MEAK7: variants seen among roughly 807,000 people sequenced by gnomAD.
The protein encoded by MEAK7 is MTOR-associated protein MEAK7.
In MEAK7, 68 loss-of-function variants were observed where a neutral mutation model predicts 40.5. The ratio of observed to expected loss-of-function variants is 1.68; its 90% CI spans 1.38 to 2.06. The LOEUF is 2.06. Ranked by LOEUF, MEAK7 falls within the 30% of genes most tolerant of loss-of-function variation. MEAK7 has a pLI of 0.00. For synonymous variants in MEAK7, 338 were observed against 231.9 expected (o/e 1.46, Z -4.16); for missense variants, 918 against 580.5 (o/e 1.58, Z -5.98).
At chr16:84,494,918 G>A (rs1037694946) in intron 3 of MEAK7, 2 of 422,514 alleles carry the variant, frequency 4.7e-6, no homozygotes, top group African/African-American at 2.1e-5. Context: ...GCTGAGTCTT[G>A]CAAGAAACTG....
intron 2 of MEAK7, chr16:84,497,554 G>A (rs537103857): frequency 1.1e-4 from 147 of 1,294,564 alleles, no homozygotes; most frequent in African/African-American, 1.4e-4. Context: ...AGAGACACAC[G>A]AGGCAGGCTA....
At chr16:84,482,849 G>C (rs371341267) in intron 5 of MEAK7, 139 bp from the exon 6 acceptor site, 4 of 1,350,592 alleles carry the variant, frequency 3.0e-6, no homozygotes, top group South Asian at 1.4e-5. Context: ...CGGCAGATCA[G>C]GGTTTGGGAC....
intron 1 of MEAK7, among the ~76,000 whole-genome samples, chr16:84,500,456 T>G (rs1914404425): frequency 6.6e-6 from 1 of 152,186 alleles, no homozygotes; most frequent in African/African-American, 2.4e-5. Flanking sequence ...GAGTTATTTC[T>G]CCGCCTTTTA....
At chr16:84,490,327 A>T (rs1913461934) in intron 3 of MEAK7, among the ~76,000 whole-genome samples, 1 of 151,898 alleles carries the variant, frequency 6.6e-6, no homozygotes, top group Admixed American at 6.5e-5. Context: ...AAAGGAAAAA[A>T]ACATTTTGAC....
rs529535896 is a variant in MEAK7, at chr16:84,480,235, G to A, written c.1258-209C>T. ...AACTCAGGTGCAGAACCAGGGAAGC[G>A]GAAGGAACCCTAGACATTCCTCCTC... On this transcript the variant is annotated intron_variant, in intron 7 of 7. Transcript: ENST00000343629. 1.8e-4 allele frequency among the ~76,000 whole-genome samples: 27 copies of A among 152,212 alleles called. No homozygotes were observed. In the East Asian group the frequency reaches 3.1e-3, roughly 17 times the overall value.
Position 84,479,994 on chromosome 16 carries a change from G to A in MEAK7, c.1290C>T (p.Asp430=), listed in dbSNP as rs753467240. The A allele has an allele frequency of 2.4e-5, 39 of 1,608,864 alleles. 1 individual carries two copies. In the South Asian group the frequency reaches 3.9e-4, roughly 16 times the overall value. The change falls in exon 8 of 8, where the codon GAC becomes GAT. Residue 430 remains aspartate (D), a synonymous_variant. Coordinates refer to ENST00000343629, the MANE Select transcript of MEAK7 (RefSeq NM_020947.4). Reference sequence around the variant, plus strand: ...TCTCCAGCAGGGCCTGGGCCTCAGGGTCCGCATCCAGGATGCTCTTGTTGC... The same window carrying A: ...TCTCCAGCAGGGCCTGGGCCTCAGGATCCGCATCCAGGATGCTCTTGTTGC... ...AKGNKSILDA[D]PEAQALLEIS...
In MEAK7 at chr16:84,504,519, G is replaced by A. The variant is rs563614372; in HGVS notation, c.-26+82C>T. 4.6e-5 allele frequency: 41 copies of A among 891,524 alleles called. No homozygotes were observed. The African/African-American group carries it at 7.0e-4, about 15-fold the overall frequency. 55.2% of individuals were successfully genotyped at this position (891,524 alleles called of 1,614,324 possible). ...AGGGGCAGGGCCCAGGCCTACTCTG[G>A]ACCCGTCTGCTCCAGTCCCCCGACT... On this transcript the variant is annotated intron_variant, in intron 1 of 7. Transcript: ENST00000343629.
chr16:84,490,032 A>G (rs989011765), intron 3 of MEAK7, among the ~76,000 whole-genome samples: 3 of 152,214 alleles, frequency 2.0e-5, no homozygotes, highest in Non-Finnish European at 4.4e-5. Flanking sequence ...ACTAAAACTT[A>G]AACAACCAAC....
At position 84,479,353 on chromosome 16, in the gene MEAK7, A is replaced by T. The variant is rs1912293820; in HGVS notation, c.*560T>A. ...GGCCATATGAACCCCAGCGGGAGGAACCCCCTCCTCAATAGAGAAGTTGAG... is the reference window on the plus strand; with the variant it reads ...GGCCATATGAACCCCAGCGGGAGGATCCCCCTCCTCAATAGAGAAGTTGAG... On this transcript the variant is annotated 3_prime_UTR_variant, in exon 8 of 8. Transcript: ENST00000343629. 1 of 152,196 alleles carries T rather than the reference A, an allele frequency of 6.6e-6. No homozygotes were observed. The highest frequency in any genetic ancestry group is 1.5e-5 in the Non-Finnish European group (1 of 68,060). The allele number at this position is 152,196 out of a possible 1,614,324, so 9.4% of individuals were successfully genotyped here.
At position 84,479,149 on chromosome 16, in the gene MEAK7, C is replaced by G. The variant is rs910571118; in HGVS notation, c.*764G>C. On this transcript the variant is annotated 3_prime_UTR_variant, in exon 8 of 8. Transcript: ENST00000343629. ...ATGCCACCACCAGACCATGTTACCT[C>G]AAAGTCTCCTGCCTCCATTTCCCCA... 5 of 152,248 alleles carry G rather than the reference C, an allele frequency of 3.3e-5. No individual in the cohort carries two copies. Among genetic ancestry groups the G allele is most frequent in the African/African-American group, 9.7e-5 (4 of 41,430 alleles). The allele number at this position is 152,248 out of a possible 1,614,324, so 9.4% of individuals were successfully genotyped here.
At chr16:84,497,366 A>C (rs755213339) in intron 2 of MEAK7, 102 of 1,226,184 alleles carry the variant, frequency 8.3e-5, no homozygotes, top group Non-Finnish European at 1.0e-4. Flanking sequence ...TGAATCTAAA[A>C]TGTGATTATT....
rs149289395 is a variant in MEAK7 at position 84,495,797 on chromosome 16, C to A, written c.270G>T (p.Gln90His). The A allele has an allele frequency of 6.8e-6, 11 of 1,613,986 alleles. No homozygotes were observed. The highest frequency in any genetic ancestry group is 3.3e-5 in the South Asian group (3 of 91,084). Residue 90 changes from glutamine to histidine, a missense_variant, in exon 3 of 8, where the codon CAG (glutamine) becomes CAT (histidine). Gln to His is a conservative substitution (Grantham distance 24). Coordinates refer to ENST00000343629, the MANE Select transcript of MEAK7 (RefSeq NM_020947.4). The part of the protein sequence containing the change: ...KGPSENVSQE[Q>H]FTASMSHLLK... ...ACAGGTGGGACATGGATGCTGTGAACTGCTCCTGGGACACGTTCTCACTGG... is the reference window on the plus strand; with the variant it reads ...ACAGGTGGGACATGGATGCTGTGAAATGCTCCTGGGACACGTTCTCACTGG...
Position 84,489,234 on chromosome 16 carries a change from C to T in MEAK7, c.529+44G>A, listed in dbSNP as rs1351342961. 3.1e-6 allele frequency: 5 copies of T among 1,603,028 alleles called. No individual in the cohort carries two copies. The Admixed American group carries it at 8.4e-5, about 27-fold the overall frequency. The stretch of plus-strand genomic sequence containing the variant: ...ACAGTAATGGAGACAGCAGGTACCG[C>T]TCTACAGCAAAAGACCTGCATCACC... On this transcript the variant is annotated intron_variant, in intron 4 of 7. Coordinates refer to ENST00000343629, the MANE Select transcript of MEAK7 (RefSeq NM_020947.4).
intron 5 of MEAK7, among the ~76,000 whole-genome samples, chr16:84,484,574 C>T (rs1912867840): frequency 6.6e-6 from 1 of 152,214 alleles, no homozygotes; most frequent in Non-Finnish European, 1.5e-5. Flanking sequence ...AGCAAAAACA[C>T]TCTGATGAAA....
intron 3 of MEAK7, among the ~76,000 whole-genome samples, chr16:84,491,977 G>A (rs112567161): frequency 3.9e-5 from 6 of 152,256 alleles, no homozygotes; most frequent in African/African-American, 1.2e-4. Context: ...AGGGCTAAAA[G>A]AGACTTGAAT....
At chr16:84,498,343 C>A (rs1226149394) in intron 1 of MEAK7, among the ~76,000 whole-genome samples, 1 of 152,062 alleles carries the variant, frequency 6.6e-6, no homozygotes, top group Non-Finnish European at 1.5e-5. Context: ...ATCACAGCTC[C>A]CTGCAGCCTC....
chr16:84,489,466 C>T, intron 3 of MEAK7, 44 bp from the exon 4 acceptor site: 1 of 1,564,462 alleles, frequency 6.4e-7, no homozygotes, highest in African/African-American at 1.4e-5. Flanking sequence ...TCCACCATAT[C>T]CTGAGACCTA....
chr16:84,486,601 C>G, intron 5 of MEAK7, 30 bp downstream of exon 5: 1 of 1,562,658 alleles, frequency 6.4e-7, no homozygotes, highest in Non-Finnish European at 8.7e-7. Context: ...TGCTGTGCCA[C>G]TCGTCAAGGT....
intron 2 of MEAK7, 143 bp from the exon 3 acceptor site, chr16:84,496,056 T>C: frequency 1.2e-6 from 1 of 812,228 alleles, no homozygotes; most frequent in Non-Finnish European, 1.9e-6. Context: ...AAAAGTTTCT[T>C]GTAAAGCCCC....
Sources: gnomAD v4.1 joint callset for allele counts (sites outside exome capture counted in the v4.1 genomes callset) on GRCh38, gnomAD v4.1.1 for gene constraint, MANE v1.5 for transcripts, NCBI Gene and HGNC (gene_info 2026-07-23, HGNC 2026-07-21) for gene names.